ICA1L: variants seen among roughly 807,000 people sequenced by gnomAD.
ICA1L encodes islet cell autoantigen 1 like.
ICA1L carries 50 observed loss-of-function variants against 61.3 expected under a neutral mutation model. The ratio of observed to expected loss-of-function variants is 0.82; its 90% CI spans 0.65 to 1.03. The LOEUF (loss-of-function observed/expected upper bound fraction) is 1.03. Ranked by LOEUF, ICA1L falls within the 50% of genes least tolerant of loss-of-function variation. The pLI, the probability that ICA1L is intolerant of heterozygous loss-of-function variation, is 0.00. For synonymous variants in ICA1L, 161 were observed against 191.3 expected, an observed-to-expected ratio of 0.84 and a Z score of 1.31; for missense variants, 508 against 556.7, an observed-to-expected ratio of 0.91 and a Z score of 0.88.
At chr2:202,869,774 C>T (rs1436359264) in intron 1 of ICA1L, among the ~76,000 whole-genome samples, 1 of 151,804 alleles carries the variant, frequency 6.6e-6, no homozygotes, top group African/African-American at 2.4e-5. Context: ...CCTAGTGTTA[C>T]ATGCAAGTGA....
intron 1 of ICA1L, among the ~76,000 whole-genome samples, chr2:202,840,021 A>G (rs1694278968): frequency 6.8e-6 from 1 of 146,640 alleles, no homozygotes; most frequent in Non-Finnish European, 1.5e-5. Context: ...TTTATATTGT[A>G]TATCCCTTAA....
intron 12 of ICA1L, among the ~76,000 whole-genome samples, chr2:202,782,854 T>A (rs1177568577): frequency 6.6e-6 from 1 of 152,204 alleles, no homozygotes; most frequent in African/African-American, 2.4e-5. Context: ...TTTATTTACT[T>A]TATAGTGTCT....
chr2:202,803,105 CA>C (rs1374974421), intron 9 of ICA1L, among the ~76,000 whole-genome samples: 1 of 151,994 alleles, frequency 6.6e-6, no homozygotes, highest in Non-Finnish European at 1.5e-5. Context: ...AGATGTATCT[CA>C]GTTATAAGGA....
At chr2:202,807,523 T>C (rs1693259562) in intron 9 of ICA1L, among the ~76,000 whole-genome samples, 2 of 152,136 alleles carry the variant, frequency 1.3e-5, no homozygotes, top group South Asian at 2.1e-4. Context: ...CCAAATAAAC[T>C]TGAAAGGCAG....
At chr2:202,800,687 G>A (rs1362009008) in intron 9 of ICA1L, among the ~76,000 whole-genome samples, 1 of 152,176 alleles carries the variant, frequency 6.6e-6, no homozygotes, top group African/African-American at 2.4e-5. Context: ...GGTGGAAAGT[G>A]TTGCTGTATA....
chr2:202,850,582 T>C (rs1472009489), intron 1 of ICA1L, among the ~76,000 whole-genome samples: 2 of 151,576 alleles, frequency 1.3e-5, no homozygotes, highest in East Asian at 3.9e-4. Context: ...GAAGACAAAA[T>C]TAGAGAAAAA....
chr2:202,845,607 A>G (rs1694444691), intron 1 of ICA1L, among the ~76,000 whole-genome samples: 1 of 151,648 alleles, frequency 6.6e-6, no homozygotes, highest in Admixed American at 6.6e-5. Flanking sequence ...AGCCTGGGCA[A>G]CAGAGCAAGA....
At chr2:202,806,644 C>T (rs1232950946) in intron 9 of ICA1L, among the ~76,000 whole-genome samples, 26 of 146,450 alleles carry the variant, frequency 1.8e-4, no homozygotes, top group Non-Finnish European at 3.4e-4. Context: ...GAGACTCTGT[C>T]TCAAAAAAAA....
chr2:202,781,107 A>G (rs939436384), intron 12 of ICA1L, among the ~76,000 whole-genome samples: 1 of 152,212 alleles, frequency 6.6e-6, no homozygotes, highest in African/African-American at 2.4e-5. Flanking sequence ...AATGGGAAAT[A>G]AAGGTCTGTC....
chr2:202,820,951 A>G (rs1208068388), intron 4 of ICA1L, among the ~76,000 whole-genome samples: 3 of 152,222 alleles, frequency 2.0e-5, no homozygotes, highest in Non-Finnish European at 4.4e-5. Context: ...TTAAGAAGAA[A>G]AAATTTCTTC....
At chr2:202,836,175 G>A (rs1331225414) in intron 1 of ICA1L, among the ~76,000 whole-genome samples, 3 of 152,086 alleles carry the variant, frequency 2.0e-5, no homozygotes, top group Admixed American at 6.6e-5. Context: ...CCTTTATTAC[G>A]TTGAGAGACA....
chr2:202,838,963 T>C (rs1253524622), intron 1 of ICA1L, among the ~76,000 whole-genome samples: 1 of 152,126 alleles, frequency 6.6e-6, no homozygotes, highest in African/African-American at 2.4e-5. Flanking sequence ...GACTCACTTA[T>C]CACCATGGGG....
rs1002566875 is a variant in ICA1L, at chr2:202,776,384, A to C, written c.*3149T>G. 6.6e-6 allele frequency: 1 copy of C among 151,808 alleles called. No homozygotes were observed. The highest frequency in any genetic ancestry group is 6.5e-5 in the Admixed American group (1 of 15,276). 9.4% of individuals were successfully genotyped at this position (151,808 alleles called of 1,614,324 possible). ...GTATAGATATTTCTCCCCATTTAAC[A>C]TAAAAAATATCTATTTTGAGGGTTG... On this transcript the variant is annotated 3_prime_UTR_variant, in exon 13 of 13. Coordinates refer to ENST00000358299, the MANE Select transcript of ICA1L (RefSeq NM_001288622.3).
In ICA1L at chr2:202,811,802, CAA is replaced by C; in HGVS notation, c.867-15_867-14del. The stretch of plus-strand genomic sequence containing the variant: ...AGACAAAACTAGCCTGAAGTAAAAA[CAA>C]AAAAAAATGTAGATTTTTTGTTATA... On this transcript the variant is annotated splice_polypyrimidine_tract_variant and intron_variant, in intron 8 of 12. Coordinates refer to ENST00000358299, the MANE Select transcript of ICA1L (RefSeq NM_001288622.3). The C allele has an allele frequency of 3.2e-6, 5 of 1,556,248 alleles. No homozygotes were observed. The highest frequency in any genetic ancestry group is 1.8e-5 in the Admixed American group (1 of 56,712).
At chr2:202,817,295 C>T (rs1414759810) in intron 6 of ICA1L, 123 bp downstream of exon 6, 2 of 883,938 alleles carry the variant, frequency 2.3e-6, no homozygotes, top group Non-Finnish European at 3.2e-6. Context: ...TTCATAACCT[C>T]AATAAAGCAA....
intron 1 of ICA1L, among the ~76,000 whole-genome samples, chr2:202,863,700 G>A (rs1036192891): frequency 6.6e-5 from 10 of 151,068 alleles, no homozygotes; most frequent in East Asian, 2.0e-4. Context: ...GGTGGTGGGC[G>A]CCTGTAGTCC....
At chr2:202,860,269 C>G (rs1197409769) in intron 1 of ICA1L, 1 of 52,480 alleles carries the variant, frequency 1.9e-5, no homozygotes, top group Non-Finnish European at 4.6e-5. Context: ...GAGACTCTGT[C>G]TCAAAATAAT....
chr2:202,837,612 G>A (rs1694191605), intron 1 of ICA1L, among the ~76,000 whole-genome samples: 1 of 151,712 alleles, frequency 6.6e-6, no homozygotes, highest in Non-Finnish European at 1.5e-5. Context: ...CTTTTCTACT[G>A]TTTTTCTAGT....
rs1287048557 is a variant in ICA1L, at chr2:202,817,447, T to C, written c.655A>G (p.Met219Val). ...VDLLGASRCN[M>V]LSHSLTTYQR... ...TAGGTAGTGAGCGAATGAGATAGCA[T>C]ATTGCAGCGACTAGCTCCAAGTAAA... is the stretch of plus-strand genomic sequence containing the variant. Residue 219 changes from methionine to valine, a missense_variant, in exon 6 of 13, where the codon ATG (methionine) becomes GTG (valine). Met to Val is a conservative substitution (Grantham distance 21, BLOSUM62 1). Transcript: ENST00000358299. The C allele has an allele frequency of 6.2e-7, 1 of 1,610,518 alleles. No homozygotes were observed. Among genetic ancestry groups the C allele is most frequent in the Non-Finnish European group, 8.5e-7 (1 of 1,177,862 alleles).
Sources: gnomAD v4.1 joint callset for allele counts (sites outside exome capture counted in the v4.1 genomes callset) on GRCh38, gnomAD v4.1.1 for gene constraint, MANE v1.5 for transcripts, NCBI Gene and HGNC (gene_info 2026-07-23, HGNC 2026-07-21) for gene names.